SETBP1: variants seen among roughly 807,000 people sequenced by gnomAD.
The protein encoded by SETBP1 is SET binding protein 1, also known as SET-binding protein.
In SETBP1, 9 loss-of-function variants were observed where a neutral mutation model predicts 101.0. The ratio of observed to expected loss-of-function variants is 0.09; its 90% CI spans 0.05 to 0.16. The LOEUF is 0.16. Among genes scored for constraint, SETBP1 ranks in the 10% least tolerant of loss-of-function variants. SETBP1 has a pLI of 1.00. For missense variants in SETBP1, 1,858 were observed against 2,033.8 expected, an observed-to-expected ratio of 0.91 and a Z score of 1.66; for synonymous variants, 818 against 788.5, an observed-to-expected ratio of 1.04 and a Z score of -0.63.
At chr18:44,914,990 C>T (rs1268289856) in intron 3 of SETBP1, among the ~76,000 whole-genome samples, 1 of 152,040 alleles carries the variant, frequency 6.6e-6, no homozygotes, top group African/African-American at 2.4e-5. Flanking sequence ...TCTAAAAATA[C>T]TAAAATTTAC....
At chr18:45,015,136 A>G (rs934572344) in intron 4 of SETBP1, among the ~76,000 whole-genome samples, 1 of 152,234 alleles carries the variant, frequency 6.6e-6, no homozygotes, top group African/African-American at 2.4e-5. Context: ...GTGAGTAGAA[A>G]GGAATGACCC....
intron 2 of SETBP1, among the ~76,000 whole-genome samples, chr18:44,767,777 G>C (rs977058982): frequency 6.6e-6 from 1 of 152,126 alleles, no homozygotes; most frequent in Non-Finnish European, 1.5e-5. Context: ...TATTTACAGC[G>C]TAGATATTAA....
At chr18:44,851,128 C>T (rs1048015525) in intron 2 of SETBP1, among the ~76,000 whole-genome samples, 1 of 152,196 alleles carries the variant, frequency 6.6e-6, no homozygotes, top group African/African-American at 2.4e-5. Context: ...TCATCATTAT[C>T]ATTATCATCA....
intron 5 of SETBP1, among the ~76,000 whole-genome samples, chr18:45,043,138 C>G (rs1356069846): frequency 1.3e-5 from 2 of 152,142 alleles, no homozygotes; most frequent in Non-Finnish European, 2.9e-5. Flanking sequence ...AGATGTTGAA[C>G]TAACTTCTCA....
intron 2 of SETBP1, among the ~76,000 whole-genome samples, chr18:44,842,322 C>A (rs1222328604): frequency 6.6e-6 from 1 of 152,178 alleles, no homozygotes; most frequent in African/African-American, 2.4e-5. Context: ...CACACAGGAG[C>A]AAATAGGTCA....
intron 2 of SETBP1, among the ~76,000 whole-genome samples, chr18:44,823,897 A>G (rs750944533): frequency 3.9e-5 from 6 of 152,208 alleles, no homozygotes; most frequent in Non-Finnish European, 7.3e-5. Flanking sequence ...TTATGGGATT[A>G]GTTGAATTTA....
chr18:44,759,896 C>T (rs1338731539), intron 2 of SETBP1, among the ~76,000 whole-genome samples: 1 of 152,192 alleles, frequency 6.6e-6, no homozygotes, highest in African/African-American at 2.4e-5. Flanking sequence ...GCATCCTATC[C>T]TGTACCAATT....
chr18:44,730,307 G>T (rs1034575639), intron 2 of SETBP1, among the ~76,000 whole-genome samples: 2 of 152,174 alleles, frequency 1.3e-5, no homozygotes, highest in African/African-American at 2.4e-5. Context: ...TGAGCTAAAT[G>T]GTCAATAATT....
intron 4 of SETBP1, among the ~76,000 whole-genome samples, chr18:45,017,735 T>C (rs1295001181): frequency 1.3e-5 from 2 of 152,278 alleles, no homozygotes; most frequent in Non-Finnish European, 1.5e-5. Context: ...GAAGCCCCTA[T>C]GTGTTCCTCT....
chr18:45,063,356 CA>C lies in SETBP1; in HGVS notation c.4453del (p.Arg1485GlufsTer7). On this transcript the variant is annotated frameshift_variant, in exon 6 of 6. Coordinates refer to ENST00000649279, the MANE Select transcript of SETBP1 (RefSeq NM_015559.3). LOFTEE classifies it high-confidence loss of function. Reference sequence around the variant, plus strand: ...TGGAAAAATGCATCGACCTGCCCAGCAAAAGAGGCCAGAAGCCCAGCCTGAG... The same window carrying C: ...TGGAAAAATGCATCGACCTGCCCAGCAAAGAGGCCAGAAGCCCAGCCTGAG... The part of the protein sequence containing the change: ...VLEKCIDLPS[K>X]RGQKPSLSPL... The C allele has an allele frequency of 6.3e-7, 1 of 1,574,826 alleles. No homozygotes were observed.
intron 4 of SETBP1, among the ~76,000 whole-genome samples, chr18:44,959,168 A>AT (rs1332321199): frequency 6.6e-6 from 1 of 152,196 alleles, no homozygotes; most frequent in Non-Finnish European, 1.5e-5. Context: ...AATTATGCAG[A>AT]TTCAGGTGTG....
chr18:44,732,179 C>A (rs1047922963), intron 2 of SETBP1, among the ~76,000 whole-genome samples: 2 of 152,164 alleles, frequency 1.3e-5, no homozygotes, highest in African/African-American at 4.8e-5. Flanking sequence ...GATTACCACT[C>A]AGATAGACGA....
At chr18:44,836,183 C>G (rs1301487784) in intron 2 of SETBP1, among the ~76,000 whole-genome samples, 1 of 151,826 alleles carries the variant, frequency 6.6e-6, no homozygotes, top group African/African-American at 2.4e-5. Flanking sequence ...GTTTCTGCCA[C>G]CAAGCGAATC....
At chr18:44,841,333 G>A (rs1207041426) in intron 2 of SETBP1, among the ~76,000 whole-genome samples, 1 of 152,214 alleles carries the variant, frequency 6.6e-6, no homozygotes, top group African/African-American at 2.4e-5. Flanking sequence ...CTCACAACAA[G>A]AGAGCTGGCT....
At chr18:44,707,634 A>G (rs2069250452) in intron 2 of SETBP1, among the ~76,000 whole-genome samples, 1 of 152,232 alleles carries the variant, frequency 6.6e-6, no homozygotes, top group Admixed American at 6.5e-5. Context: ...TGAGAAGCCA[A>G]ATAAATCATG....
At chr18:44,906,987 A>G (rs926714726) in intron 3 of SETBP1, among the ~76,000 whole-genome samples, 5 of 152,200 alleles carry the variant, frequency 3.3e-5, no homozygotes, top group African/African-American at 1.2e-4. Flanking sequence ...TCATCACCCC[A>G]CAAAATAAAT....
intron 4 of SETBP1, among the ~76,000 whole-genome samples, chr18:45,037,121 G>GA (rs1179130722): frequency 1.1e-4 from 16 of 152,160 alleles, no homozygotes; most frequent in Non-Finnish European, 1.0e-4. Context: ...AGTTGGGATA[G>GA]AAAAAATGAG....
In SETBP1 at chr18:45,063,763, G is replaced by A; in HGVS notation, c.*65G>A. On this transcript the variant is annotated 3_prime_UTR_variant, in exon 6 of 6. Coordinates refer to ENST00000649279, the MANE Select transcript of SETBP1 (RefSeq NM_015559.3). ...ACACGTGGGAAGCGCAGTGAGCCGG[G>A]GCGGGGGCGGAATCCCCCGCTGCAG... The A allele has an allele frequency of 6.5e-7, 1 of 1,533,974 alleles. No individual in the cohort carries two copies. Among genetic ancestry groups the A allele is most frequent in the East Asian group, 2.5e-5 (1 of 39,784 alleles).
chr18:44,998,476 A>G (rs971998561), intron 4 of SETBP1, among the ~76,000 whole-genome samples: 1 of 152,186 alleles, frequency 6.6e-6, no homozygotes, highest in Non-Finnish European at 1.5e-5. Flanking sequence ...ACATAAACCC[A>G]TGTGTCTGTT....
Sources: allele counts gnomAD v4.1 joint callset (sites outside exome capture counted in the v4.1 genomes callset), GRCh38; gene constraint gnomAD v4.1.1; transcripts MANE v1.5; gene names NCBI Gene and HGNC (gene_info 2026-07-23, HGNC 2026-07-21).